MDN1: variants seen among roughly 807,000 people sequenced by gnomAD.
MDN1 encodes the protein midasin AAA ATPase 1, also known as midasin.
A neutral mutation model predicts 669.2 loss-of-function variants in MDN1; 266 were observed. That is an observed-to-expected ratio of 0.40 (90% CI 0.36 to 0.44). MDN1 has a LOEUF of 0.44. MDN1 is among the 20% of genes least tolerant of loss of function. The pLI, the probability that MDN1 is intolerant of heterozygous loss-of-function variation, is 1.00. For missense variants in MDN1, 5,940 were observed against 6,754.0 expected (o/e 0.88, Z 4.22); for synonymous variants, 2,385 against 2,457.1 (o/e 0.97, Z 0.87).
At chr6:89,668,216 T>C in intron 83 of MDN1, 65 bp from the exon 84 acceptor site, 1 of 1,587,710 alleles carries the variant, frequency 6.3e-7, no homozygotes, top group Non-Finnish European at 8.6e-7. Flanking sequence ...GAGATTTCAT[T>C]CTTGCCACAG....
intron 15 of MDN1, 109 bp from the exon 16 acceptor site, chr6:89,762,639 C>A: frequency 1.4e-6 from 1 of 714,784 alleles, no homozygotes; most frequent in South Asian, 1.9e-5. Flanking sequence ...TAATTAACGT[C>A]AGAAATACTA....
At chr6:89,773,554 A>G (rs927546306) in intron 13 of MDN1, among the ~76,000 whole-genome samples, 8 of 151,500 alleles carry the variant, frequency 5.3e-5, no homozygotes, top group Non-Finnish European at 8.8e-5. Flanking sequence ...AAAAAAAAAA[A>G]AGAAGAGAAG....
Position 89,681,200 on chromosome 6 carries a change from G to T in MDN1, c.12103-449C>A, listed in dbSNP as rs368785973. Among the ~76,000 whole-genome samples, 113 of 151,746 alleles carry T rather than the reference G, an allele frequency of 7.4e-4. 2 individuals carry two copies. The highest frequency in any genetic ancestry group is 2.6e-3 in the African/African-American group (107 of 41,374). On this transcript the variant is annotated intron_variant, in intron 73 of 101. Coordinates refer to ENST00000369393, the MANE Select transcript of MDN1 (RefSeq NM_014611.3). ...CTTTCCTTTTTTTTTTTGAGACAGG[G>T]TCTGGCTTTGTCACCCAGGCTGAAG...
intron 46 of MDN1, among the ~76,000 whole-genome samples, chr6:89,714,053 A>C (rs1412957860): frequency 6.6e-6 from 1 of 151,992 alleles, no homozygotes; most frequent in Non-Finnish European, 1.5e-5. Context: ...AAAAAGAAAA[A>C]AAAAAAAAGA....
intron 46 of MDN1, 107 bp from the exon 47 acceptor site, chr6:89,713,403 C>G (rs901772982): frequency 2.0e-5 from 20 of 977,980 alleles, no homozygotes; most frequent in South Asian, 1.6e-4. Flanking sequence ...CAACCCCACC[C>G]AAATACTTAC....
At position 89,643,928 on chromosome 6, in the gene MDN1, T is replaced by C; in HGVS notation, c.*77A>G. The C allele has an allele frequency of 7.9e-7, 1 of 1,273,142 alleles. No homozygotes were observed. The highest frequency in any genetic ancestry group is 1.7e-5 in the South Asian group (1 of 58,128). 78.9% of individuals were successfully genotyped at this position (1,273,142 alleles called of 1,614,324 possible). On this transcript the variant is annotated 3_prime_UTR_variant, in exon 102 of 102. Coordinates refer to ENST00000369393, the MANE Select transcript of MDN1 (RefSeq NM_014611.3). Reference sequence around the variant, plus strand: ...ATTACAATAAAATTTTTTGTAGTTGTCCAAAAGGGAGCACCTGGGTAAGCA... The same window carrying C: ...ATTACAATAAAATTTTTTGTAGTTGCCCAAAAGGGAGCACCTGGGTAAGCA...
intron 7 of MDN1, among the ~76,000 whole-genome samples, chr6:89,788,924 G>A (rs566285791): frequency 2.0e-5 from 3 of 152,258 alleles, no homozygotes; most frequent in Non-Finnish European, 4.4e-5. Flanking sequence ...AGGAGTTCGT[G>A]ACCAGCCTGG....
In MDN1 at chr6:89,678,656, T is replaced by C; in HGVS notation, c.12355A>G (p.Ile4119Val). 1.2e-6 allele frequency: 2 copies of C among 1,614,178 alleles called. No individual in the cohort carries two copies. The highest frequency in any genetic ancestry group is 1.6e-4 in the Middle Eastern group (1 of 6,062). ...KEKQRSEAKHILMQKQRALSD... is the reference protein window; with the variant it reads ...KEKQRSEAKHVLMQKQRALSD... ...AAAGCTCGCTGTTTTTGCATGAGAA[T>C]GTGCTTGGCTTCTGACCGCTGCTTC... The change falls in exon 75 of 102, where the codon ATT becomes GTT. Residue 4119 changes from isoleucine to valine, a missense_variant. Physicochemically the swap from Ile to Val is conservative, Grantham distance 29. This residue lies in a region of MDN1 where 2,280 missense variants were observed against 2,576.3 expected (regional missense o/e 0.88). Coordinates refer to ENST00000369393, the MANE Select transcript of MDN1 (RefSeq NM_014611.3).
intron 5 of MDN1, 117 bp from the exon 6 acceptor site, chr6:89,790,518 G>A (rs1440708611): frequency 8.1e-7 from 1 of 1,237,596 alleles, no homozygotes; most frequent in Non-Finnish European, 1.2e-6. Flanking sequence ...TAAATTAGTA[G>A]TACCAAAACT....
intron 5 of MDN1, 61 bp downstream of exon 5, chr6:89,793,701 C>G: frequency 1.4e-6 from 2 of 1,404,232 alleles, no homozygotes; most frequent in Non-Finnish European, 1.9e-6. Flanking sequence ...CAGCCAAAGA[C>G]AGAGCACACT....
chr6:89,780,054 G>C (rs72919916), intron 11 of MDN1, among the ~76,000 whole-genome samples, 158 bp downstream of exon 11: 1 of 150,042 alleles, frequency 6.7e-6, no homozygotes, highest in African/African-American at 2.5e-5. Flanking sequence ...GGACAAGAGC[G>C]AGAGACTTCG....
intron 86 of MDN1, 83 bp from the exon 87 acceptor site, chr6:89,662,322 A>G (rs1809852412): frequency 7.0e-7 from 1 of 1,419,454 alleles, no homozygotes; most frequent in African/African-American, 1.4e-5. Context: ...AGACATGCAT[A>G]ATTTCTGCCT....
intron 15 of MDN1, among the ~76,000 whole-genome samples, chr6:89,770,049 G>T (rs1818002560): frequency 6.6e-6 from 1 of 152,070 alleles, no homozygotes; most frequent in Admixed American, 6.6e-5. Context: ...GCTAAGCCAT[G>T]ATCACACCAC....
rs186133144 is a variant in MDN1, at chr6:89,761,067, G to A, written c.2460+578C>T. Among the ~76,000 whole-genome samples, 1,428 of 152,294 alleles carry A rather than the reference G, an allele frequency of 9.4e-3. 12 individuals carry two copies. The highest frequency in any genetic ancestry group is 0.031 in the Middle Eastern group (9 of 294). On this transcript the variant is annotated intron_variant, in intron 17 of 101. Transcript: ENST00000369393. ...TGTAGTCCCAGCTACTCAGGAGGCTGAGGCAGGAGAATGGCGTGAACCCAG... is the reference window on the plus strand; with the variant it reads ...TGTAGTCCCAGCTACTCAGGAGGCTAAGGCAGGAGAATGGCGTGAACCCAG...
At chr6:89,804,330 C>G (rs971025977) in intron 1 of MDN1, among the ~76,000 whole-genome samples, 7 of 152,052 alleles carry the variant, frequency 4.6e-5, no homozygotes, top group African/African-American at 1.7e-4. Context: ...TATAAAATAT[C>G]GTGGAAATTT....
At chr6:89,780,627 G>GGAGAT (rs1156561325) in intron 10 of MDN1, among the ~76,000 whole-genome samples, 2 of 151,344 alleles carry the variant, frequency 1.3e-5, no homozygotes, top group Non-Finnish European at 1.5e-5. Context: ...ATCAGAATGA[G>GGAGAT]GAGATGCCAT....
At chr6:89,746,693 C>T (rs1245442703) in intron 27 of MDN1, among the ~76,000 whole-genome samples, 1 of 150,202 alleles carries the variant, frequency 6.7e-6, no homozygotes, top group Non-Finnish European at 1.5e-5. Flanking sequence ...ATATTCTTTA[C>T]AAGTAGAGAA....
intron 33 of MDN1, among the ~76,000 whole-genome samples, chr6:89,736,274 G>T (rs1815965920): frequency 6.6e-6 from 1 of 152,178 alleles, no homozygotes; most frequent in African/African-American, 2.4e-5. Flanking sequence ...TAAGGACAAG[G>T]TGTGGGCTCA....
chr6:89,691,085 C>T (rs192105596), intron 63 of MDN1, among the ~76,000 whole-genome samples: 1 of 152,262 alleles, frequency 6.6e-6, no homozygotes, highest in Admixed American at 6.5e-5. Context: ...GTAAAACTTG[C>T]CACAGTACAG....
Sources: allele counts gnomAD v4.1 joint callset (sites outside exome capture counted in the v4.1 genomes callset), GRCh38; gene constraint gnomAD v4.1.1; regional missense constraint gnomAD v4.1.1; transcripts MANE v1.5; gene names NCBI Gene and HGNC (gene_info 2026-07-23, HGNC 2026-07-21).